The following TGM2 variants were observed in gnomAD, a reference collection of about 807,000 sequenced individuals.
TGM2 encodes the protein transglutaminase 2.
Under a neutral mutation model 75.6 loss-of-function variants are expected in TGM2, and 53 were observed. The observed-to-expected ratio is 0.70, with a 90% confidence interval of 0.56 to 0.88. The LOEUF is 0.88. Among genes scored for constraint, TGM2 ranks in the 40% least tolerant of loss-of-function variants. The probability of loss-of-function intolerance (pLI) is 0.00; values close to 1 mark genes in which losing one functional copy is unlikely to be tolerated. For missense variants in TGM2, 842 were observed against 928.5 expected (o/e 0.91, Z 1.21); for synonymous variants, 374 against 381.1 (o/e 0.98, Z 0.22).
rs1033671670 is a variant in TGM2, at chr20:38,127,635, T to C, written c.*2584A>G. 2.0e-5 allele frequency: 3 copies of C among 152,222 alleles called. No individual in the cohort carries two copies. The highest frequency in any genetic ancestry group is 7.2e-5 in the African/African-American group (3 of 41,456). The allele number at this position is 152,222 out of a possible 1,614,324, so 9.4% of individuals were successfully genotyped here. ...AATGCAGCTAGTTCAAATTGAGACCTGCTGTCAGTATAAAACACACACCAC... is the reference window on the plus strand; with the variant it reads ...AATGCAGCTAGTTCAAATTGAGACCCGCTGTCAGTATAAAACACACACCAC... On this transcript the variant is annotated 3_prime_UTR_variant, in exon 13 of 13. Coordinates refer to ENST00000361475, the MANE Select transcript of TGM2 (RefSeq NM_004613.4).
Position 38,129,844 on chromosome 20 carries a change from C to G in TGM2, c.*375G>C. On this transcript the variant is annotated 3_prime_UTR_variant, in exon 13 of 13. Transcript: ENST00000361475. ...CTGATCCAGCCAAGGGGCATGCTGT[C>G]CCTTTTTTGCCTGCTCCAAGGAGCT... The G allele has an allele frequency of 3.9e-6, 1 of 255,628 alleles. No homozygotes were observed. The highest frequency in any genetic ancestry group is 5.3e-5 in the South Asian group (1 of 18,866). 15.8% of individuals were successfully genotyped at this position (255,628 alleles called of 1,614,324 possible).
At chr20:38,147,734 T>G (rs932740023) in intron 5 of TGM2, among the ~76,000 whole-genome samples, 1 of 152,100 alleles carries the variant, frequency 6.6e-6, no homozygotes, top group Non-Finnish European at 1.5e-5. Context: ...TAAGTGGTAC[T>G]TGATAAATAT....
At chr20:38,144,501 C>T (rs1048264223) in intron 6 of TGM2, among the ~76,000 whole-genome samples, 3 of 152,162 alleles carry the variant, frequency 2.0e-5, no homozygotes, top group African/African-American at 2.4e-5. Context: ...GTGAGGGATC[C>T]GGCTAAGAAA....
chr20:38,153,919 C>T (rs767913623), intron 3 of TGM2, among the ~76,000 whole-genome samples: 2 of 152,180 alleles, frequency 1.3e-5, no homozygotes, highest in African/African-American at 2.4e-5. Flanking sequence ...TGGACTCAAG[C>T]GATCCTCCCA....
At chr20:38,165,135 A>G in intron 1 of TGM2, 54 bp downstream of exon 1, 1 of 1,611,928 alleles carries the variant, frequency 6.2e-7, no homozygotes, top group East Asian at 2.2e-5. Flanking sequence ...CCGGGTCCTG[A>G]CCCCCAATGC....
At chr20:38,149,678 CAAAAA>C (rs1199376180) in intron 4 of TGM2, among the ~76,000 whole-genome samples, 13 of 40,464 alleles carry the variant, frequency 3.2e-4, no homozygotes, top group East Asian at 8.3e-4. Context: ...GACTCCGCCT[CAAAAA>C]AAAAAAAAAA....
intron 3 of TGM2, 39 bp from the exon 4 acceptor site, chr20:38,151,096 C>A (rs372334619): frequency 6.5e-7 from 1 of 1,527,334 alleles, no homozygotes; most frequent in African/African-American, 1.4e-5. Flanking sequence ...TCTGGGTCTG[C>A]GGAGGCCCAG....
chr20:38,148,103 A>C lies in TGM2; in HGVS notation c.553-14T>G. 1 of 1,614,020 alleles carries C rather than the reference A, an allele frequency of 6.2e-7. No individual in the cohort carries two copies. Among genetic ancestry groups the C allele is most frequent in the Non-Finnish European group, 8.5e-7 (1 of 1,179,942 alleles). On this transcript the variant is annotated splice_polypyrimidine_tract_variant and intron_variant, in intron 4 of 12. Coordinates refer to ENST00000361475, the MANE Select transcript of TGM2 (RefSeq NM_004613.4). ...CCCATCTTCAAACTGTGTCAGAGGAAACAAGAGGAGAAAGAGGGAGCTGGG... is the reference window on the plus strand; with the variant it reads ...CCCATCTTCAAACTGTGTCAGAGGACACAAGAGGAGAAAGAGGGAGCTGGG...
chr20:38,133,937 AAG>A (rs2074866776), intron 10 of TGM2, among the ~76,000 whole-genome samples: 2 of 152,278 alleles, frequency 1.3e-5, no homozygotes, highest in South Asian at 2.1e-4. Context: ...GGGGGAAAAA[AAG>A]AGAGAAAATA....
rs2075108951 is a variant in TGM2, at chr20:38,150,981, G to A, written c.510C>T (p.Gly170=). The A allele has an allele frequency of 6.2e-7, 1 of 1,614,080 alleles. No homozygotes were observed. Among genetic ancestry groups the A allele is most frequent in the African/African-American group, 1.3e-5 (1 of 74,942 alleles). ...VLTQQGFIYQ[G]SAKFIKNIPW... Reference sequence around the variant, plus strand: ...GTATGTTCTTGATGAACTTGGCCGAGCCCTGGTAGATAAAGCCCTGCTGGG... The same window carrying A: ...GTATGTTCTTGATGAACTTGGCCGAACCCTGGTAGATAAAGCCCTGCTGGG... Residue 170 remains glycine (G), a synonymous_variant, in exon 4 of 13, where the codon GGC becomes GGT. Coordinates refer to ENST00000361475, the MANE Select transcript of TGM2 (RefSeq NM_004613.4).
At chr20:38,168,378 C>T (rs543238854), upstream of TGM2, among the ~76,000 whole-genome samples, 4 of 152,188 alleles carry the variant, frequency 2.6e-5, no homozygotes, top group Non-Finnish European at 1.5e-5. Context: ...CTTACCTCAC[C>T]GGGGCTGTAA....
chr20:38,160,081 A>C (rs1600520086), intron 2 of TGM2, among the ~76,000 whole-genome samples: 1 of 152,202 alleles, frequency 6.6e-6, no homozygotes, highest in Non-Finnish European at 1.5e-5. Context: ...TGTCTCCACC[A>C]GGAGGGCAGG....
chr20:38,150,941 G>A lies in TGM2; in HGVS notation c.550C>T (p.Gln184Ter). The A allele has an allele frequency of 6.2e-7, 1 of 1,612,642 alleles. No homozygotes were observed. The highest frequency in any genetic ancestry group is 8.5e-7 in the Non-Finnish European group (1 of 1,178,618). The change falls in exon 4 of 13, where the codon CAG (glutamine) becomes TAG (stop). Residue 184 changes from glutamine to a stop codon, truncating the protein, a stop_gained and splice_region_variant. Coordinates refer to ENST00000361475, the MANE Select transcript of TGM2 (RefSeq NM_004613.4). LOFTEE classifies it high-confidence loss of function. ...FIKNIPWNFG[Q>*]FEDGILDICL... ...GAGAGACAGGGTGTGGCCCTTACCT[G>A]CCCAAAATTCCAAGGTATGTTCTTG...
chr20:38,137,212 C>A (rs755691275), intron 10 of TGM2, among the ~76,000 whole-genome samples: 1 of 152,160 alleles, frequency 6.6e-6, no homozygotes, highest in Non-Finnish European at 1.5e-5. Flanking sequence ...TGGCCAGGTG[C>A]GGTGGCTCAC....
chr20:38,165,482 T>A, upstream of TGM2: 2 of 548,368 alleles, frequency 3.6e-6, no homozygotes, highest in South Asian at 2.1e-5. Context: ...GACACACAAC[T>A]AGCCCAGGAT....
intron 9 of TGM2, among the ~76,000 whole-genome samples, chr20:38,138,748 G>A (rs1310699894): frequency 6.6e-6 from 1 of 152,194 alleles, no homozygotes; most frequent in Non-Finnish European, 1.5e-5. Flanking sequence ...CACGAATACA[G>A]TGCAATCTTT....
chr20:38,130,069 C>T lies in TGM2; in HGVS notation c.*150G>A. The T allele has an allele frequency of 9.7e-7, 1 of 1,035,710 alleles. No homozygotes were observed. The highest frequency in any genetic ancestry group is 1.6e-5 in the African/African-American group (1 of 63,256). 64.2% of individuals were successfully genotyped at this position (1,035,710 alleles called of 1,614,324 possible). The stretch of plus-strand genomic sequence containing the variant: ...ACAGGCTCAGGAGGCTGAGATGGGC[C>T]AGGGGCACATTCCATTTCCGAGAGC... On this transcript the variant is annotated 3_prime_UTR_variant, in exon 13 of 13. Transcript: ENST00000361475.
In TGM2 at chr20:38,142,184, C is replaced by G; in HGVS notation, c.875G>C (p.Gly292Ala). Residue 292 changes from glycine (G) to alanine (A), a missense_variant, in exon 7 of 13, where the codon GGC becomes GCC. Transcript: ENST00000361475. ...GTTGGTCACGACGCGGGTAGGGATG[C>G]CCAGGCACCTCAGCACTGTTGGAGA... The part of the protein sequence containing the change: ...AVACTVLRCL[G>A]IPTRVVTNYN... The G allele has an allele frequency of 6.2e-7, 1 of 1,614,174 alleles. No homozygotes were observed. Among genetic ancestry groups the G allele is most frequent in the African/African-American group, 1.3e-5 (1 of 75,046 alleles).
intron 2 of TGM2, among the ~76,000 whole-genome samples, chr20:38,159,002 G>T (rs2075221555): frequency 6.6e-6 from 1 of 152,194 alleles, no homozygotes; most frequent in Non-Finnish European, 1.5e-5. Flanking sequence ...TTCCGTGGCT[G>T]CCTACAGGGG....
Sources: gnomAD v4.1 joint callset for allele counts (sites outside exome capture counted in the v4.1 genomes callset) on GRCh38, gnomAD v4.1.1 for gene constraint, MANE v1.5 for transcripts, NCBI Gene and HGNC (gene_info 2026-07-23, HGNC 2026-07-21) for gene names.